The following TYW1B variants were observed in gnomAD, a reference collection of about 807,000 sequenced individuals.
TYW1B encodes tRNA-yW synthesizing protein 1 homolog B.
Under a neutral mutation model 86.9 loss-of-function variants are expected in TYW1B, and 73 were observed. That is an observed-to-expected ratio of 0.84 (90% CI 0.70 to 1.02). The LOEUF (loss-of-function observed/expected upper bound fraction) is 1.02. TYW1B is among the 50% of genes least tolerant of loss of function. TYW1B has a pLI of 0.00. For synonymous variants in TYW1B, 248 were observed against 292.8 expected, an observed-to-expected ratio of 0.85 and a Z score of 1.56; for missense variants, 637 against 827.4, an observed-to-expected ratio of 0.77 and a Z score of 2.82.
chr7:72,632,333 ACAC>A (rs1554439971), intron 11 of TYW1B, among the ~76,000 whole-genome samples: 19 of 110,220 alleles, frequency 1.7e-4, no homozygotes, highest in African/African-American at 7.6e-4. Flanking sequence ...ATATATATAT[ACAC>A]GTATATATAT....
intron 6 of TYW1B, among the ~76,000 whole-genome samples, chr7:72,785,703 T>TA (rs1330265302): frequency 6.6e-6 from 1 of 152,130 alleles, no homozygotes; most frequent in Non-Finnish European, 1.5e-5. Context: ...GCCCAACTCT[T>TA]AAGCACTGGC....
At chr7:72,609,203 T>TA (rs1220290935) in intron 13 of TYW1B, among the ~76,000 whole-genome samples, 2 of 152,198 alleles carry the variant, frequency 1.3e-5, no homozygotes, top group Non-Finnish European at 2.9e-5. Flanking sequence ...AATAGGAAAG[T>TA]AGTCCTTCAT....
intron 5 of TYW1B, among the ~76,000 whole-genome samples, chr7:72,806,568 G>C (rs1175951505): frequency 6.6e-6 from 1 of 151,852 alleles, no homozygotes; most frequent in Admixed American, 6.6e-5. Flanking sequence ...CATCTAGCAC[G>C]ATATGGCTTA....
intron 11 of TYW1B, among the ~76,000 whole-genome samples, chr7:72,677,546 G>A (rs1330643352): frequency 1.3e-5 from 2 of 152,112 alleles, no homozygotes; most frequent in African/African-American, 2.4e-5. Flanking sequence ...ATACAGTTGA[G>A]GGAGGTTGGG....
chr7:72,824,700 C>T (rs1368694489), intron 2 of TYW1B, among the ~76,000 whole-genome samples: 1 of 152,064 alleles, frequency 6.6e-6, no homozygotes, highest in African/African-American at 2.4e-5. Context: ...GAGATCACAC[C>T]ACTGCACTCC....
At chr7:72,664,987 G>C (rs1441229067) in intron 11 of TYW1B, among the ~76,000 whole-genome samples, 8 of 152,030 alleles carry the variant, frequency 5.3e-5, no homozygotes, top group Non-Finnish European at 1.0e-4. Context: ...TCTTTACACT[G>C]TATTTTTTTA....
At chr7:72,775,388 C>T (rs1787936378) in intron 7 of TYW1B, among the ~76,000 whole-genome samples, 1 of 152,018 alleles carries the variant, frequency 6.6e-6, no homozygotes, top group South Asian at 2.1e-4. Flanking sequence ...TGCTCAAAAT[C>T]AGCATTAAGA....
rs576322439 is a variant in TYW1B at position 72,807,358 on chromosome 7, T to G, written c.433-2A>C. 7.1e-5 allele frequency: 115 copies of G among 1,610,564 alleles called. No homozygotes were observed. In the Middle Eastern group the frequency reaches 2.3e-3, roughly 32 times the overall value. ...CCACTTGTCAACATTTTTGCCAACC[T>G]GCGAGGAAAAGATAGATAGGCTAAA... On this transcript the variant is annotated splice_acceptor_variant, in intron 4 of 13. Transcript: ENST00000620995. LOFTEE classifies it high-confidence loss of function.
At chr7:72,620,848 G>C (rs1554437870) in intron 12 of TYW1B, among the ~76,000 whole-genome samples, 1 of 152,186 alleles carries the variant, frequency 6.6e-6, no homozygotes, top group African/African-American at 2.4e-5. Context: ...GGTACAGCGT[G>C]GTGATGGAAA....
intron 9 of TYW1B, among the ~76,000 whole-genome samples, chr7:72,728,121 C>T (rs560885636): frequency 1.3e-5 from 2 of 151,746 alleles, no homozygotes; most frequent in Non-Finnish European, 2.9e-5. Context: ...CATTCAAAAC[C>T]GTTTTTCCAT....
At chr7:72,711,723 G>A (rs1337765852) in intron 10 of TYW1B, among the ~76,000 whole-genome samples, 8 of 151,708 alleles carry the variant, frequency 5.3e-5, no homozygotes, top group Non-Finnish European at 1.0e-4. Flanking sequence ...TCCTGACCTG[G>A]TGATCCGCCC....
chr7:72,827,868 C>A (rs1221152523), intron 1 of TYW1B, among the ~76,000 whole-genome samples: 1 of 152,230 alleles, frequency 6.6e-6, no homozygotes, highest in African/African-American at 2.4e-5. Context: ...AGTTTTCTGT[C>A]TAACCCCCTA....
chr7:72,705,885 AG>A (rs782741673), intron 10 of TYW1B, among the ~76,000 whole-genome samples: 8 of 152,220 alleles, frequency 5.3e-5, no homozygotes, highest in Non-Finnish European at 1.0e-4. Context: ...AGGTGTCGTC[AG>A]CATTACAGCG....
chr7:72,707,066 T>G (rs1267985162), intron 10 of TYW1B, among the ~76,000 whole-genome samples: 1 of 152,246 alleles, frequency 6.6e-6, no homozygotes, highest in Non-Finnish European at 1.5e-5. Flanking sequence ...TTGTGCTGTA[T>G]GTAGACTGCA....
chr7:72,807,442 T>C (rs1554477042), intron 4 of TYW1B, 86 bp from the exon 5 acceptor site: 12 of 1,514,860 alleles, frequency 7.9e-6, no homozygotes, highest in Non-Finnish European at 8.9e-6. Flanking sequence ...AAAGTCCTTC[T>C]GGGGCCCCTG....
At chr7:72,700,022 G>A (rs1381621892) in intron 10 of TYW1B, among the ~76,000 whole-genome samples, 1 of 152,098 alleles carries the variant, frequency 6.6e-6, no homozygotes, top group Non-Finnish European at 1.5e-5. Context: ...CTAGGGTGGT[G>A]GAGATATTCC....
intron 11 of TYW1B, among the ~76,000 whole-genome samples, chr7:72,692,205 CAAAAAAAAAAAAAAAAAAA>C (rs1168197742): frequency 1.6e-5 from 1 of 62,810 alleles, no homozygotes; most frequent in Admixed American, 2.0e-4. Context: ...GACTCCATCT[CAAAAAAAAAAAAAAAAAAA>C]AAAAGAAGAA....
chr7:72,656,300 G>C (rs1298912923), intron 11 of TYW1B, among the ~76,000 whole-genome samples: 4 of 151,944 alleles, frequency 2.6e-5, no homozygotes, highest in African/African-American at 9.7e-5. Context: ...TACATCTACA[G>C]GAAAAAGTCT....
intron 13 of TYW1B, among the ~76,000 whole-genome samples, chr7:72,608,255 G>A (rs184697052): frequency 5.9e-5 from 9 of 152,318 alleles, no homozygotes; most frequent in Admixed American, 5.2e-4. Flanking sequence ...AACAACAGAA[G>A]GAGTAAGAAT....
Sources: allele counts gnomAD v4.1 joint callset (sites outside exome capture counted in the v4.1 genomes callset), GRCh38; gene constraint gnomAD v4.1.1; transcripts MANE v1.5; gene names NCBI Gene and HGNC (gene_info 2026-07-23, HGNC 2026-07-21).